HIVEP2: variants seen among roughly 807,000 people sequenced by gnomAD.
HIVEP2 encodes transcription factor HIVEP2.
A neutral mutation model predicts 180.7 loss-of-function variants in HIVEP2; 14 were observed. The ratio of observed to expected loss-of-function variants is 0.08; its 90% CI spans 0.05 to 0.12. HIVEP2 has a LOEUF of 0.12. HIVEP2 is among the 10% of genes least tolerant of loss of function. The pLI is 1.00. For missense variants in HIVEP2, 2,579 were observed against 3,008.5 expected, an observed-to-expected ratio of 0.86 and a Z score of 3.34; for synonymous variants, 1,184 against 1,136.4, an observed-to-expected ratio of 1.04 and a Z score of -0.84.
At chr6:142,811,409 G>C (rs1376667385) in intron 2 of HIVEP2, among the ~76,000 whole-genome samples, 2 of 152,232 alleles carry the variant, frequency 1.3e-5, no homozygotes, top group African/African-American at 4.8e-5. Context: ...ATGGGAGTAA[G>C]TAGGTGGATT....
chr6:142,939,962 T>G (rs940400067), intron 1 of HIVEP2, among the ~76,000 whole-genome samples: 5 of 152,224 alleles, frequency 3.3e-5, no homozygotes, highest in Admixed American at 3.3e-4. Context: ...TTTCTACTCT[T>G]TTGCTTCATA....
intron 1 of HIVEP2, among the ~76,000 whole-genome samples, chr6:142,878,049 A>G (rs1417265046): frequency 6.6e-6 from 1 of 152,084 alleles, no homozygotes; most frequent in East Asian, 1.9e-4. Context: ...TATTTAACTA[A>G]TCCTCATGAA....
chr6:142,904,732 T>C (rs1452235971), intron 1 of HIVEP2, among the ~76,000 whole-genome samples: 1 of 152,216 alleles, frequency 6.6e-6, no homozygotes, highest in Non-Finnish European at 1.5e-5. Context: ...TTAATACTGA[T>C]ATTTTAAAGC....
rs141553959 is a variant in HIVEP2, at chr6:142,789,852, G to A, written c.-527-6237C>T. ...ATCAAAGAAACAGAAAATAACAGTA[G>A]TTAAGGATCAATGCTCCACTGAAAT... is the stretch of plus-strand genomic sequence containing the variant. On this transcript the variant is annotated intron_variant, in intron 2 of 9. Coordinates refer to ENST00000367603, the MANE Select transcript of HIVEP2 (RefSeq NM_006734.4). Among the ~76,000 whole-genome samples the A allele has an allele frequency of 5.4e-3, 828 of 152,152 alleles. 6 individuals carry two copies. The highest frequency in any genetic ancestry group is 0.041 in the Middle Eastern group (12 of 292).
chr6:142,818,376 G>A (rs1776898617), intron 2 of HIVEP2, among the ~76,000 whole-genome samples: 1 of 152,066 alleles, frequency 6.6e-6, no homozygotes, highest in Non-Finnish European at 1.5e-5. Flanking sequence ...GTTTCTATCT[G>A]CCCATACAAC....
chr6:142,801,191 C>CAA (rs10717703), intron 2 of HIVEP2, among the ~76,000 whole-genome samples: 4,451 of 86,954 alleles, frequency 0.051, 145 homozygotes, highest in Non-Finnish European at 0.066. Context: ...TGGCCAGTGT[C>CAA]AAAAAAAAAA....
At chr6:142,917,442 G>A (rs1447635479) in intron 1 of HIVEP2, among the ~76,000 whole-genome samples, 2 of 152,124 alleles carry the variant, frequency 1.3e-5, no homozygotes, top group Admixed American at 6.5e-5. Context: ...CACTACATGC[G>A]CTGCAAGTGG....
chr6:142,803,498 G>A (rs1320440968), intron 2 of HIVEP2, among the ~76,000 whole-genome samples: 1 of 151,010 alleles, frequency 6.6e-6, no homozygotes, highest in Non-Finnish European at 1.5e-5. Context: ...AGCAACTGCT[G>A]TCTGCATCTT....
intron 2 of HIVEP2, among the ~76,000 whole-genome samples, chr6:142,828,271 G>T (rs575809333): frequency 6.6e-6 from 1 of 152,242 alleles, no homozygotes; most frequent in Admixed American, 6.5e-5. Flanking sequence ...GACAGTTAAA[G>T]TACTTTGGAA....
intron 2 of HIVEP2, among the ~76,000 whole-genome samples, chr6:142,801,218 A>T (rs907736928): frequency 6.6e-6 from 1 of 150,378 alleles, no homozygotes; most frequent in African/African-American, 2.5e-5. Context: ...AAAACGAGGG[A>T]ATACACACAA....
intron 1 of HIVEP2, among the ~76,000 whole-genome samples, chr6:142,877,913 C>G (rs546307706): frequency 1.1e-3 from 170 of 152,196 alleles, no homozygotes; most frequent in African/African-American, 4.0e-3. Flanking sequence ...CGTGGAAATG[C>G]AAGTGAAAGA....
At chr6:142,853,859 G>A (rs2114932465) in intron 1 of HIVEP2, among the ~76,000 whole-genome samples, 1 of 152,240 alleles carries the variant, frequency 6.6e-6, no homozygotes, top group African/African-American at 2.4e-5. Flanking sequence ...AAGAGGGCAG[G>A]GAAAATAAGT....
chr6:142,894,270 T>A lies in HIVEP2; in HGVS notation c.-641+50829A>T, dbSNP rs561656692. 9.8e-5 allele frequency among the ~76,000 whole-genome samples: 15 copies of A among 152,322 alleles called. No homozygotes were observed. In the South Asian group the frequency reaches 2.3e-3, roughly 23 times the overall value. On this transcript the variant is annotated intron_variant, in intron 1 of 9. Coordinates refer to ENST00000367603, the MANE Select transcript of HIVEP2 (RefSeq NM_006734.4). ...ATCAAGGGACGATATATTATTAGCC[T>A]CTCCTTCTGTCTTTCAGGTACTATC... is the stretch of plus-strand genomic sequence containing the variant.
chr6:142,877,839 G>C (rs1401107010), intron 1 of HIVEP2, among the ~76,000 whole-genome samples: 1 of 152,154 alleles, frequency 6.6e-6, no homozygotes, highest in Non-Finnish European at 1.5e-5. Context: ...ATTATAACAT[G>C]GGCTTGTAAA....
intron 1 of HIVEP2, among the ~76,000 whole-genome samples, chr6:142,846,123 C>T (rs996066543): frequency 3.0e-4 from 46 of 152,206 alleles, no homozygotes; most frequent in African/African-American, 9.9e-4. Flanking sequence ...GCTGGCCAGC[C>T]GCCAAAGACG....
chr6:142,816,611 T>A (rs1417145031), intron 2 of HIVEP2, among the ~76,000 whole-genome samples: 3 of 152,138 alleles, frequency 2.0e-5, no homozygotes, highest in African/African-American at 7.2e-5. Context: ...TCACTCTAAC[T>A]CACTGCTGTT....
intron 6 of HIVEP2, among the ~76,000 whole-genome samples, chr6:142,766,990 G>T (rs1398095606): frequency 6.6e-6 from 1 of 152,158 alleles, no homozygotes; most frequent in East Asian, 1.9e-4. Context: ...AGAAGTAATG[G>T]GACACAGCCC....
At chr6:142,911,139 TA>T (rs5880554) in intron 1 of HIVEP2, among the ~76,000 whole-genome samples, 41,623 of 106,180 alleles carry the variant, frequency 0.39, 7,922 homozygotes, top group Admixed American at 0.51. Context: ...ACAAACACAT[TA>T]AAAAAAAAAA....
intron 1 of HIVEP2, among the ~76,000 whole-genome samples, chr6:142,892,810 T>A (rs528243129): frequency 6.6e-6 from 1 of 152,252 alleles, no homozygotes; most frequent in African/African-American, 2.4e-5. Context: ...CGTAAGGGAA[T>A]GGGGAGTCAA....
Sources: gnomAD v4.1 joint callset for allele counts (sites outside exome capture counted in the v4.1 genomes callset) on GRCh38, gnomAD v4.1.1 for gene constraint, MANE v1.5 for transcripts, NCBI Gene and HGNC (gene_info 2026-07-23, HGNC 2026-07-21) for gene names.